The following MPRIP variants were observed in gnomAD, a reference collection of about 807,000 sequenced individuals.
The protein encoded by MPRIP is myosin phosphatase Rho interacting protein, also known as myosin phosphatase Rho-interacting protein.
Under a neutral mutation model 234.9 loss-of-function variants are expected in MPRIP, and 59 were observed. That is an observed-to-expected ratio of 0.25 (90% confidence interval 0.20 to 0.31). The LOEUF is 0.31. Among genes scored for constraint, MPRIP ranks in the 10% least tolerant of loss-of-function variants. The pLI is 1.00. For missense variants in MPRIP, 2,436 were observed against 3,071.0 expected, an observed-to-expected ratio of 0.79 and a Z score of 4.89; for synonymous variants, 1,144 against 1,263.9, an observed-to-expected ratio of 0.91 and a Z score of 2.01.
At chr17:17,131,589 T>C (rs1210024041) in intron 4 of MPRIP, 28 bp from the exon 5 acceptor site, 3 of 1,606,108 alleles carry the variant, frequency 1.9e-6, no homozygotes, top group Non-Finnish European at 2.6e-6. Flanking sequence ...GGGTCTTACC[T>C]GGTACTTGTC....
At chr17:17,070,576 G>A (rs185557733) in intron 1 of MPRIP, among the ~76,000 whole-genome samples, 4 of 152,146 alleles carry the variant, frequency 2.6e-5, no homozygotes, top group East Asian at 1.9e-4. Flanking sequence ...TTCAGTTACC[G>A]TATTTTTCAA....
At chr17:17,163,156 T>G (rs1337613709) in intron 15 of MPRIP, among the ~76,000 whole-genome samples, 5 of 152,108 alleles carry the variant, frequency 3.3e-5, no homozygotes, top group African/African-American at 1.2e-4. Context: ...CTGGGGTGGG[T>G]GCTATACTAA....
Position 17,078,624 on chromosome 17 carries a change from C to T in MPRIP, c.267+548C>T, listed in dbSNP as rs1342878841. Among the ~76,000 whole-genome samples the T allele has an allele frequency of 6.6e-6, 1 of 152,250 alleles. No homozygotes were observed. The highest frequency in any genetic ancestry group is 2.4e-5 in the African/African-American group (1 of 41,470). ...AACCAGGCAGACAGGCTTCTTCCTCCTCCCCACCTCCCTGGTTTTCCAGTT... is the reference window on the plus strand; with the variant it reads ...AACCAGGCAGACAGGCTTCTTCCTCTTCCCCACCTCCCTGGTTTTCCAGTT... On this transcript the variant is annotated intron_variant, in intron 3 of 23. Coordinates refer to ENST00000651222, the MANE Select transcript of MPRIP (RefSeq NM_001364716.4). The surrounding 1 kb of genome is among the most constrained non-coding windows in gnomAD (Gnocchi z 4.3).
chr17:17,164,328 C>T lies in MPRIP; in HGVS notation c.2737C>T (p.Leu913=). 2 of 1,303,316 alleles carry T rather than the reference C, an allele frequency of 1.5e-6. No homozygotes were observed. The highest frequency in any genetic ancestry group is 2.5e-5 in the South Asian group (2 of 81,030). 80.7% of individuals were successfully genotyped at this position (1,303,316 alleles called of 1,614,324 possible). A position where few individuals can be genotyped will look rare whatever the true frequency, so the allele number is the denominator to read the frequency against. The change falls in exon 16 of 24, where the codon CTA becomes TTA. Residue 913 remains leucine, a synonymous_variant. Coordinates refer to ENST00000651222, the MANE Select transcript of MPRIP (RefSeq NM_001364716.4). ...ACGGCTCAGCAATGCGGCCGCTGAG[C>T]TAGCCATCAAGGAGCAGGCGCTGGC... The part of the protein sequence containing the change: ...QARLSNAAAE[L]AIKEQALAKL...
rs547838057 is a variant in MPRIP at position 17,100,669 on chromosome 17, G to A, written c.267+22593G>A. Among the ~76,000 whole-genome samples, 6 of 152,040 alleles carry A rather than the reference G, an allele frequency of 3.9e-5. No individual in the cohort carries two copies. In the East Asian group the frequency reaches 1.2e-3, roughly 29 times the overall value. On this transcript the variant is annotated intron_variant, in intron 3 of 23. Transcript: ENST00000651222. ...TGTGTGCTCCTTATGAGAGTCTAAT[G>A]CCTGATGATCTGTTACTGTCTCCCA...
intron 3 of MPRIP, among the ~76,000 whole-genome samples, chr17:17,103,951 GTCA>G (rs1277711808): frequency 1.3e-5 from 2 of 152,184 alleles, no homozygotes; most frequent in Admixed American, 6.5e-5. Flanking sequence ...CTCGGGAACA[GTCA>G]TCATTTAGCT....
At chr17:17,094,293 A>G (rs781143214) in intron 3 of MPRIP, among the ~76,000 whole-genome samples, 1 of 151,982 alleles carries the variant, frequency 6.6e-6, no homozygotes, top group South Asian at 2.1e-4. Flanking sequence ...GATGGGACCT[A>G]ATTTTCCTTG....
At chr17:17,082,844 A>G (rs1257148838) in intron 3 of MPRIP, among the ~76,000 whole-genome samples, 1 of 152,200 alleles carries the variant, frequency 6.6e-6, no homozygotes, top group Non-Finnish European at 1.5e-5. Flanking sequence ...AGCACCTCAC[A>G]TAAATGGGAT....
intron 19 of MPRIP, 115 bp from the exon 20 acceptor site, chr17:17,175,178 C>A (rs2046227794): frequency 3.4e-6 from 5 of 1,462,046 alleles, no homozygotes; most frequent in Non-Finnish European, 3.8e-6. Context: ...TTGGATCCTG[C>A]CTACGCAGTT....
Position 17,054,639 on chromosome 17 carries a change from A to G in MPRIP, c.123+11668A>G, listed in dbSNP as rs555297873. 3.3e-5 allele frequency among the ~76,000 whole-genome samples: 5 copies of G among 152,162 alleles called. No homozygotes were observed. In the East Asian group the frequency reaches 9.7e-4, roughly 29 times the overall value. ...GGAGTCGTGAGAGCACACAAACTCCACACAGGCAGTGGGTGCAGGAATTCT... is the reference window on the plus strand; with the variant it reads ...GGAGTCGTGAGAGCACACAAACTCCGCACAGGCAGTGGGTGCAGGAATTCT... On this transcript the variant is annotated intron_variant, in intron 1 of 23. Transcript: ENST00000651222.
At chr17:17,155,757 G>A (rs922378528) in intron 13 of MPRIP, among the ~76,000 whole-genome samples, 1 of 152,246 alleles carries the variant, frequency 6.6e-6, no homozygotes. Flanking sequence ...AGGATCCTAT[G>A]CAGAGAGCTG....
intron 3 of MPRIP, among the ~76,000 whole-genome samples, chr17:17,124,290 G>A (rs1413087459): frequency 6.6e-6 from 1 of 152,232 alleles, no homozygotes; most frequent in South Asian, 2.1e-4. Flanking sequence ...ACTGAACCCT[G>A]GAACAGTGGC....
chr17:17,178,004 C>T (rs1011322488), intron 22 of MPRIP, among the ~76,000 whole-genome samples: 4 of 150,802 alleles, frequency 2.7e-5, no homozygotes, highest in Admixed American at 1.3e-4. Context: ...TCACTGCAGC[C>T]TCCGCCTCCC....
chr17:17,172,876 C>T, intron 18 of MPRIP, 61 bp downstream of exon 18: 2 of 1,431,840 alleles, frequency 1.4e-6, no homozygotes, highest in Non-Finnish European at 1.9e-6. Flanking sequence ...CTGACCAGGC[C>T]ACAGCTGGGC....
At chr17:17,103,804 A>T (rs143512776) in intron 3 of MPRIP, among the ~76,000 whole-genome samples, 1 of 152,336 alleles carries the variant, frequency 6.6e-6, no homozygotes, top group African/African-American at 2.4e-5. Flanking sequence ...GCCTCAGATG[A>T]TGGCCCTTCG....
rs775213737 is a variant in MPRIP, at chr17:17,189,592, A to G, written c.*4698A>G. The G allele has an allele frequency of 2.0e-5, 3 of 152,244 alleles. No individual in the cohort carries two copies. Among genetic ancestry groups the G allele is most frequent in the Non-Finnish European group, 4.4e-5 (3 of 68,046 alleles). The allele number at this position is 152,244 out of a possible 1,614,324, so 9.4% of individuals were successfully genotyped here. On this transcript the variant is annotated 3_prime_UTR_variant, in exon 24 of 24. Coordinates refer to ENST00000651222, the MANE Select transcript of MPRIP (RefSeq NM_001364716.4). The stretch of plus-strand genomic sequence containing the variant: ...ATAAAGAATGGAAATGTATGATATT[A>G]TACTTCAAAGGAATTTGATGTTGAA...
In MPRIP at chr17:17,112,149, T is replaced by C. The variant is rs1252215318; in HGVS notation, c.268-14553T>C. On this transcript the variant is annotated intron_variant, in intron 3 of 23. Coordinates refer to ENST00000651222, the MANE Select transcript of MPRIP (RefSeq NM_001364716.4). ...GCGATGGCAGTGATACACCTCATAC[T>C]TGCGGGACAGAACATGCCTGTGTGA... Among the ~76,000 whole-genome samples, 3 of 152,204 alleles carry C rather than the reference T, an allele frequency of 2.0e-5. No individual in the cohort carries two copies. The East Asian group carries it at 5.8e-4, about 29-fold the overall frequency.
At chr17:17,080,594 G>A (rs1445339492) in intron 3 of MPRIP, among the ~76,000 whole-genome samples, 1 of 152,206 alleles carries the variant, frequency 6.6e-6, no homozygotes, top group Non-Finnish European at 1.5e-5. Context: ...ACCTGGGGCA[G>A]GAATGCTGCT....
Position 17,075,779 on chromosome 17 carries a change from C to T in MPRIP, c.193C>T (p.Arg65Trp), listed in dbSNP as rs1333426002. The change falls in exon 2 of 24, where the codon CGG (arginine) becomes TGG (tryptophan). Residue 65 changes from arginine to tryptophan, a missense_variant. By Grantham distance (101) the Arg-to-Trp change is moderately radical. Coordinates refer to ENST00000651222, the MANE Select transcript of MPRIP (RefSeq NM_001364716.4). ...DGTDFDNPVH[R>W]SRKWQRRFFI... ...GACCGACTTTGACAACCCAGTGCACCGGTCTCGGGTAAGGGCATCAGAGCC... is the reference window on the plus strand; with the variant it reads ...GACCGACTTTGACAACCCAGTGCACTGGTCTCGGGTAAGGGCATCAGAGCC... 1 of 1,614,054 alleles carries T rather than the reference C, an allele frequency of 6.2e-7. No homozygotes were observed. Among genetic ancestry groups the T allele is most frequent in the South Asian group, 1.1e-5 (1 of 91,060 alleles).
Sources: allele counts gnomAD v4.1 joint callset (sites outside exome capture counted in the v4.1 genomes callset), GRCh38; gene constraint gnomAD v4.1.1; non-coding constraint Gnocchi (gnomAD v3.1); transcripts MANE v1.5; gene names NCBI Gene and HGNC (gene_info 2026-07-23, HGNC 2026-07-21).